THSD4: variants seen among roughly 807,000 people sequenced by gnomAD.
THSD4 encodes thrombospondin type 1 domain containing 4, also known as thrombospondin type-1 domain-containing protein 4.
THSD4 carries 69 observed loss-of-function variants against 119.0 expected under a neutral mutation model. The observed-to-expected ratio is 0.58, with a 90% CI of 0.48 to 0.71. The LOEUF is 0.71. Ranked by LOEUF, THSD4 falls within the 30% of genes least tolerant of loss-of-function variation. The pLI is 0.00. For missense variants in THSD4, 1,393 were observed against 1,391.1 expected, an observed-to-expected ratio of 1.00 and a Z score of -0.02; for synonymous variants, 524 against 540.4, an observed-to-expected ratio of 0.97 and a Z score of 0.42.
chr15:71,332,229 G>C (rs1012298794), intron 6 of THSD4, among the ~76,000 whole-genome samples: 1 of 152,204 alleles, frequency 6.6e-6, no homozygotes, highest in African/African-American at 2.4e-5. Flanking sequence ...CACAGCTACA[G>C]TGATGGATTT....
At chr15:71,423,282 G>A (rs1458413718) in intron 7 of THSD4, among the ~76,000 whole-genome samples, 3 of 152,184 alleles carry the variant, frequency 2.0e-5, no homozygotes, top group African/African-American at 7.2e-5. Context: ...AGCCACCACA[G>A]CTGGGAGTGC....
At chr15:71,558,172 A>T (rs1282424574) in intron 7 of THSD4, among the ~76,000 whole-genome samples, 1 of 152,168 alleles carries the variant, frequency 6.6e-6, no homozygotes, top group Non-Finnish European at 1.5e-5. Flanking sequence ...TACTAAAAAT[A>T]CAAAAATTAA....
At chr15:71,559,647 A>C (rs1230086329) in intron 7 of THSD4, among the ~76,000 whole-genome samples, 2 of 151,970 alleles carry the variant, frequency 1.3e-5, no homozygotes, top group African/African-American at 4.8e-5. Flanking sequence ...ATAAAATGGG[A>C]AGAAGAATAA....
chr15:71,723,071 A>ATTT (rs2052753220), intron 8 of THSD4, among the ~76,000 whole-genome samples: 2 of 31,122 alleles, frequency 6.4e-5, no homozygotes, highest in African/African-American at 9.2e-5. Context: ...CATTTAGGCT[A>ATTT]GTTTTTTTTT....
chr15:71,475,310 A>C (rs1346900329), intron 7 of THSD4, among the ~76,000 whole-genome samples: 1 of 152,224 alleles, frequency 6.6e-6, no homozygotes, highest in Admixed American at 6.5e-5. Flanking sequence ...GTGGAAAAGG[A>C]ACATGCATTT....
rs936863038 is a variant in THSD4, at chr15:71,598,818, C to G, written c.1153-61712C>G. On this transcript the variant is annotated intron_variant, in intron 7 of 17. Transcript: ENST00000261862. ...TTTTTTGTAGAGACAGGGTTTCGCC[C>G]TGTTGCCCAGGCTGGTCTCGAACTC... 2.6e-5 allele frequency among the ~76,000 whole-genome samples: 4 copies of G among 152,094 alleles called. No homozygotes were observed. In the South Asian group the frequency reaches 8.3e-4, roughly 32 times the overall value.
chr15:71,463,045 T>C (rs955528470), intron 7 of THSD4, among the ~76,000 whole-genome samples: 3 of 152,234 alleles, frequency 2.0e-5, no homozygotes, highest in Non-Finnish European at 2.9e-5. Context: ...ATTATCAGTT[T>C]TGTTGAAGGG....
In THSD4 at chr15:71,764,213, T is replaced by G. The variant is rs532434493; in HGVS notation, c.2590-807T>G. 4.6e-5 allele frequency among the ~76,000 whole-genome samples: 7 copies of G among 152,214 alleles called. 1 individual carries two copies. In the South Asian group the frequency reaches 1.5e-3, roughly 32 times the overall value. On this transcript the variant is annotated intron_variant, in intron 15 of 17. Transcript: ENST00000261862. Reference sequence around the variant, plus strand: ...GTGAGCCATGATCACACCACTACACTCCAGCCTGGGTGACAGAGTGAGACC... The same window carrying G: ...GTGAGCCATGATCACACCACTACACGCCAGCCTGGGTGACAGAGTGAGACC...
chr15:71,467,844 G>GTT (rs1401978279), intron 7 of THSD4, among the ~76,000 whole-genome samples: 242 of 13,282 alleles, frequency 0.018, no homozygotes, highest in Non-Finnish European at 0.027. Context: ...GAGATATGAT[G>GTT]GTTTTTTTTT....
rs190946630 is a variant in THSD4 at position 71,552,877 on chromosome 15, G to A, written c.1153-107653G>A. ...TCCAACTCCTGACCTCAAGTGATCC[G>A]CCCTCCTTGGCCTCCCAAAGTGCTG... is the stretch of plus-strand genomic sequence containing the variant. On this transcript the variant is annotated intron_variant, in intron 7 of 17. Coordinates refer to ENST00000261862, the MANE Select transcript of THSD4 (RefSeq NM_024817.3). Among the ~76,000 whole-genome samples the A allele has an allele frequency of 1.3e-3, 202 of 152,222 alleles. 1 individual carries two copies. Among genetic ancestry groups the A allele is most frequent in the Non-Finnish European group, 9.6e-4 (65 of 68,016 alleles).
chr15:71,633,576 A>C (rs1481569985), intron 7 of THSD4, among the ~76,000 whole-genome samples: 2 of 152,178 alleles, frequency 1.3e-5, no homozygotes, highest in African/African-American at 4.8e-5. Flanking sequence ...TGCCCTGCTG[A>C]AAGCAGTATT....
In THSD4 at chr15:71,272,628, G is replaced by A. The variant is rs192148300; in HGVS notation, c.1015+15913G>A. The stretch of plus-strand genomic sequence containing the variant: ...GAAAGATGGTAAGTGTTGGGAGGCC[G>A]AGGCAGGCAGATCACTTAAGGTCAG... On this transcript the variant is annotated intron_variant, in intron 6 of 17. Coordinates refer to ENST00000261862, the MANE Select transcript of THSD4 (RefSeq NM_024817.3). Among the ~76,000 whole-genome samples the A allele has an allele frequency of 8.2e-4, 125 of 152,140 alleles. 1 individual carries two copies. Among genetic ancestry groups the A allele is most frequent in the Admixed American group, 4.6e-3 (70 of 15,274 alleles).
chr15:71,605,265 C>T (rs28706029), intron 7 of THSD4, among the ~76,000 whole-genome samples: 1 of 152,126 alleles, frequency 6.6e-6, no homozygotes, highest in Non-Finnish European at 1.5e-5. Context: ...TGCCTGGGAC[C>T]ATCCACATTT....
rs1160764163 is a variant in THSD4, at chr15:71,242,945, C to G, written c.761C>G (p.Pro254Arg). 2.5e-6 allele frequency: 4 copies of G among 1,614,246 alleles called. No homozygotes were observed. The Admixed American group carries it at 5.0e-5, about 20-fold the overall frequency. Residue 254 changes from proline (P) to arginine (R), a missense_variant, in exon 5 of 18, where the codon CCT becomes CGT. Pro to Arg is a moderately radical substitution (Grantham distance 103). Transcript: ENST00000261862. ...QLPLTHDQGY[P>R]AASSLFHSPE... ...CCTTTGACCCATGATCAAGGCTACC[C>G]TGCAGCTTCAAGTCTCTTTCACAGC... is the stretch of plus-strand genomic sequence containing the variant.
chr15:71,558,700 G>T (rs978701717), intron 7 of THSD4, among the ~76,000 whole-genome samples: 1 of 151,984 alleles, frequency 6.6e-6, no homozygotes, highest in African/African-American at 2.4e-5. Flanking sequence ...TGGACTTCTG[G>T]GCTCAAGCAA....
chr15:71,421,343 A>AAT, intron 7 of THSD4, among the ~76,000 whole-genome samples: 1 of 58,176 alleles, frequency 1.7e-5, no homozygotes. Flanking sequence ...TATTTCTTGT[A>AAT]GGATAGGGCT....
At chr15:71,520,368 A>G (rs765218920) in intron 7 of THSD4, among the ~76,000 whole-genome samples, 1 of 152,190 alleles carries the variant, frequency 6.6e-6, no homozygotes, top group Non-Finnish European at 1.5e-5. Flanking sequence ...AAGTTTCCCC[A>G]TCAGTTCAGA....
chr15:71,407,601 T>C (rs907584977), intron 6 of THSD4, among the ~76,000 whole-genome samples: 2 of 151,714 alleles, frequency 1.3e-5, no homozygotes, highest in Non-Finnish European at 1.5e-5. Flanking sequence ...CCAGCATTTT[T>C]TTTTTTCATG....
chr15:71,224,401 GC>G (rs563011277), intron 4 of THSD4, among the ~76,000 whole-genome samples: 199 of 152,280 alleles, frequency 1.3e-3, no homozygotes, highest in Non-Finnish European at 2.1e-3. Flanking sequence ...ACAGTGTAAA[GC>G]CCATCTAAAT....
Sources: allele counts gnomAD v4.1 joint callset (sites outside exome capture counted in the v4.1 genomes callset), GRCh38; gene constraint gnomAD v4.1.1; transcripts MANE v1.5; gene names NCBI Gene and HGNC (gene_info 2026-07-23, HGNC 2026-07-21).